The following GRM7 variants were observed in gnomAD, a reference collection of about 807,000 sequenced individuals.
GRM7 encodes metabotropic glutamate receptor 7.
Under a neutral mutation model 84.5 loss-of-function variants are expected in GRM7, and 35 were observed. That is an observed-to-expected ratio of 0.41 (90% CI 0.32 to 0.55). The LOEUF is 0.55. Among genes scored for constraint, GRM7 ranks in the 20% least tolerant of loss-of-function variants. The pLI, the probability that GRM7 is intolerant of heterozygous loss-of-function variation, is 0.19. For synonymous variants in GRM7, 487 were observed against 455.1 expected (o/e 1.07, Z -0.89); for missense variants, 1,003 against 1,194.6 (o/e 0.84, Z 2.36).
intron 4 of GRM7, among the ~76,000 whole-genome samples, chr3:7,400,747 T>G (rs1695414573): frequency 6.6e-6 from 1 of 152,170 alleles, no homozygotes; most frequent in Non-Finnish European, 1.5e-5. Flanking sequence ...TTAGATGGCT[T>G]CGTTATTTCT....
chr3:7,084,313 C>A (rs1698371391), intron 1 of GRM7, among the ~76,000 whole-genome samples: 1 of 152,046 alleles, frequency 6.6e-6, no homozygotes, highest in African/African-American at 2.4e-5. Context: ...CTATCCTAGA[C>A]CTTCTGAATC....
intron 5 of GRM7, among the ~76,000 whole-genome samples, chr3:7,417,885 AGGGATGAGACCCATACTATTT>A (rs1696237766): frequency 6.6e-6 from 1 of 152,100 alleles, no homozygotes; most frequent in Admixed American, 6.6e-5. Context: ...TTTAAAGATG[AGGGATGAGACCCATACTATTT>A]GGAGAGAGCA....
At chr3:7,558,820 G>T (rs2125033734) in intron 7 of GRM7, among the ~76,000 whole-genome samples, 1 of 152,180 alleles carries the variant, frequency 6.6e-6, no homozygotes, top group African/African-American at 2.4e-5. Context: ...TTGAACTGTT[G>T]ACATGGTAAC....
At chr3:7,134,094 C>T (rs985138018) in intron 1 of GRM7, among the ~76,000 whole-genome samples, 1 of 152,132 alleles carries the variant, frequency 6.6e-6, no homozygotes, top group Non-Finnish European at 1.5e-5. Flanking sequence ...TGTATATTAG[C>T]ATGGAATGTG....
chr3:7,651,847 T>C (rs564771710), intron 8 of GRM7, among the ~76,000 whole-genome samples: 4 of 152,206 alleles, frequency 2.6e-5, no homozygotes, highest in South Asian at 2.1e-4. Flanking sequence ...AGGAGAAAGA[T>C]TGGAGGTGGG....
chr3:7,713,124 GTTTT>G (rs5846535), intron 9 of GRM7, among the ~76,000 whole-genome samples: 195 of 97,052 alleles, frequency 2.0e-3, no homozygotes, highest in African/African-American at 6.6e-3. Flanking sequence ...ATTTTGTTTT[GTTTT>G]TTTTTTTTTT....
intron 2 of GRM7, among the ~76,000 whole-genome samples, chr3:7,154,334 A>T (rs917320773): frequency 3.3e-5 from 5 of 152,146 alleles, no homozygotes; most frequent in African/African-American, 4.8e-5. Flanking sequence ...ATTACAAAGG[A>T]TGGGTTTCTC....
At chr3:7,141,017 T>G (rs921599523) in intron 1 of GRM7, among the ~76,000 whole-genome samples, 9 of 152,178 alleles carry the variant, frequency 5.9e-5, no homozygotes, top group African/African-American at 2.2e-4. Context: ...CTTCTTAATT[T>G]AACTATATAT....
intron 1 of GRM7, among the ~76,000 whole-genome samples, chr3:7,102,816 A>G (rs1559442534): frequency 1.3e-5 from 2 of 151,736 alleles, no homozygotes; most frequent in Admixed American, 6.6e-5. Flanking sequence ...TTCTTTGGCT[A>G]TCTACAATGT....
At chr3:7,680,338 G>A in intron 9 of GRM7, 43 bp downstream of exon 9, 1 of 1,603,132 alleles carries the variant, frequency 6.2e-7, no homozygotes, top group Non-Finnish European at 8.5e-7. Context: ...CCCTGCATCA[G>A]GAAGCTCTAG....
intron 1 of GRM7, among the ~76,000 whole-genome samples, chr3:7,134,891 C>T (rs1037342119): frequency 7.9e-5 from 12 of 152,006 alleles, no homozygotes; most frequent in African/African-American, 2.9e-4. Context: ...TTTAGTAAAG[C>T]AATAAGCATT....
chr3:6,908,757 C>G (rs1428871371), intron 1 of GRM7, among the ~76,000 whole-genome samples: 1 of 152,054 alleles, frequency 6.6e-6, no homozygotes, highest in Non-Finnish European at 1.5e-5. Flanking sequence ...ATTTCTCAGC[C>G]ACACTGTATG....
At chr3:7,107,723 A>C (rs1184829212) in intron 1 of GRM7, among the ~76,000 whole-genome samples, 1 of 152,064 alleles carries the variant, frequency 6.6e-6, no homozygotes, top group Non-Finnish European at 1.5e-5. Context: ...TTTTTCAAGA[A>C]GTTAACTGTT....
chr3:6,922,105 A>C (rs1011212721), intron 1 of GRM7, among the ~76,000 whole-genome samples: 5 of 152,320 alleles, frequency 3.3e-5, no homozygotes, highest in Middle Eastern at 3.4e-3. Context: ...TCTTTCTGAC[A>C]TGCTTGATTC....
intron 1 of GRM7, chr3:6,956,726 A>G (rs1249639637): frequency 9.0e-6 from 4 of 445,468 alleles, no homozygotes; most frequent in Non-Finnish European, 1.4e-5. Flanking sequence ...CTCACAATTG[A>G]GTGTTCCGTT....
At chr3:7,103,850 C>CTG (rs1559443755) in intron 1 of GRM7, among the ~76,000 whole-genome samples, 1 of 79,980 alleles carries the variant, frequency 1.3e-5, no homozygotes, top group African/African-American at 8.2e-5. Context: ...CCCTCTCTCT[C>CTG]TCTCTCTTTC....
At chr3:7,634,995 G>A (rs986744280) in intron 8 of GRM7, among the ~76,000 whole-genome samples, 2 of 152,128 alleles carry the variant, frequency 1.3e-5, no homozygotes, top group Non-Finnish European at 2.9e-5. Flanking sequence ...ACATGGATCA[G>A]CACTGCCCGA....
chr3:7,165,950 AAT>A (rs1574980768), intron 2 of GRM7, among the ~76,000 whole-genome samples: 1 of 152,198 alleles, frequency 6.6e-6, no homozygotes, highest in Admixed American at 6.5e-5. Flanking sequence ...AGTACTTCGA[AAT>A]ATGTTATTTC....
chr3:7,294,759 A>T, intron 2 of GRM7, among the ~76,000 whole-genome samples: 1 of 152,134 alleles, frequency 6.6e-6, no homozygotes, highest in East Asian at 1.9e-4. Flanking sequence ...TTCCAATTAC[A>T]AATTCACAGG....
Sources: allele counts gnomAD v4.1 joint callset (sites outside exome capture counted in the v4.1 genomes callset), GRCh38; gene constraint gnomAD v4.1.1; transcripts MANE v1.5; gene names NCBI Gene and HGNC (gene_info 2026-07-23, HGNC 2026-07-21).